The following KCNAB1 variants were observed in gnomAD, a reference collection of about 807,000 sequenced individuals.
KCNAB1 encodes voltage-gated potassium channel subunit beta-1.
In KCNAB1, 35 loss-of-function variants were observed where a neutral mutation model predicts 64.6. The observed-to-expected ratio is 0.54, with a 90% CI of 0.41 to 0.72. The LOEUF (loss-of-function observed/expected upper bound fraction) is 0.72, where lower values mean the gene tolerates loss of function less well. Ranked by LOEUF, KCNAB1 falls within the 30% of genes least tolerant of loss-of-function variation. The pLI is 0.00. For synonymous variants in KCNAB1, 177 were observed against 183.8 expected, an observed-to-expected ratio of 0.96 and a Z score of 0.30; for missense variants, 401 against 512.9, an observed-to-expected ratio of 0.78 and a Z score of 2.11.
At chr3:156,412,813 C>T (rs1312258855) in intron 1 of KCNAB1, among the ~76,000 whole-genome samples, 1 of 152,136 alleles carries the variant, frequency 6.6e-6, no homozygotes, top group Non-Finnish European at 1.5e-5. Context: ...GAAGCTGGCT[C>T]TTCTGGATTT....
intron 1 of KCNAB1, among the ~76,000 whole-genome samples, chr3:156,354,244 ACT>A (rs776860064): frequency 4.9e-4 from 72 of 148,396 alleles, no homozygotes; most frequent in Non-Finnish European, 8.2e-4. Flanking sequence ...CTCACCGCAA[ACT>A]CTGCCTCCTG....
chr3:156,436,993 G>C (rs1181637021), intron 2 of KCNAB1, among the ~76,000 whole-genome samples: 1 of 152,100 alleles, frequency 6.6e-6, no homozygotes, highest in Non-Finnish European at 1.5e-5. Context: ...CCTGTGCCAT[G>C]TCGTGAATGG....
At chr3:156,214,116 C>T (rs1715172864) in intron 1 of KCNAB1, among the ~76,000 whole-genome samples, 1 of 152,212 alleles carries the variant, frequency 6.6e-6, no homozygotes, top group Admixed American at 6.5e-5. Flanking sequence ...CCCTTCTAGA[C>T]CTTGCCCTAT....
At chr3:156,400,210 G>T (rs1047486211) in intron 1 of KCNAB1, among the ~76,000 whole-genome samples, 2 of 152,194 alleles carry the variant, frequency 1.3e-5, no homozygotes, top group African/African-American at 4.8e-5. Flanking sequence ...TGTCTAAATT[G>T]CCTGAGGGTA....
intron 1 of KCNAB1, among the ~76,000 whole-genome samples, chr3:156,379,502 G>C (rs1300121864): frequency 6.6e-6 from 1 of 152,138 alleles, no homozygotes; most frequent in African/African-American, 2.4e-5. Flanking sequence ...GGAGGTGAGG[G>C]AGTGAGCCAT....
At chr3:156,133,151 T>TA (rs1374731401) in intron 1 of KCNAB1, among the ~76,000 whole-genome samples, 1 of 152,246 alleles carries the variant, frequency 6.6e-6, no homozygotes, top group African/African-American at 2.4e-5. Context: ...TTGAATTATT[T>TA]AATTACCTCT....
intron 7 of KCNAB1, among the ~76,000 whole-genome samples, chr3:156,470,527 A>G (rs570256239): frequency 2.0e-5 from 3 of 152,336 alleles, no homozygotes; most frequent in African/African-American, 4.8e-5. Flanking sequence ...AAAATAAAAT[A>G]CATTCCTTTA....
At chr3:156,266,191 CT>C (rs1217268941) in intron 1 of KCNAB1, among the ~76,000 whole-genome samples, 1 of 151,492 alleles carries the variant, frequency 6.6e-6, no homozygotes, top group Non-Finnish European at 1.5e-5. Context: ...ATTCCTACCC[CT>C]CTGCCAATAT....
intron 3 of KCNAB1, chr3:156,453,382 G>A (rs1310742600): frequency 1.3e-5 from 2 of 153,108 alleles, no homozygotes; most frequent in Non-Finnish European, 2.9e-5. Context: ...TGGTCACCTG[G>A]CTTGGGCGAC....
chr3:156,490,529 G>C (rs1383374444), intron 8 of KCNAB1, among the ~76,000 whole-genome samples: 1 of 152,054 alleles, frequency 6.6e-6, no homozygotes, highest in Non-Finnish European at 1.5e-5. Context: ...ACAGAAACGA[G>C]ATGGAAAAGA....
intron 1 of KCNAB1, among the ~76,000 whole-genome samples, chr3:156,370,440 A>T (rs958880739): frequency 6.6e-6 from 1 of 152,244 alleles, no homozygotes; most frequent in African/African-American, 2.4e-5. Context: ...AAGTGAAATA[A>T]TCCATAATAC....
chr3:156,311,490 G>A (rs1239583649), intron 1 of KCNAB1, among the ~76,000 whole-genome samples: 2 of 152,148 alleles, frequency 1.3e-5, no homozygotes, highest in Non-Finnish European at 2.9e-5. Flanking sequence ...TGAATGAAGT[G>A]GGGAGAACAG....
At chr3:156,204,805 C>T (rs997784424) in intron 1 of KCNAB1, among the ~76,000 whole-genome samples, 3 of 151,940 alleles carry the variant, frequency 2.0e-5, no homozygotes, top group Non-Finnish European at 4.4e-5. Flanking sequence ...GCACTCCAGT[C>T]TGGGCGACAG....
intron 3 of KCNAB1, 134 bp downstream of exon 3, chr3:156,453,070 C>A: frequency 1.8e-6 from 1 of 552,910 alleles, no homozygotes; most frequent in Non-Finnish European, 3.2e-6. Context: ...AAAATTGACT[C>A]AGAGATTATT....
At chr3:156,377,995 A>G (rs816544) in intron 1 of KCNAB1, among the ~76,000 whole-genome samples, 86,795 of 151,960 alleles carry the variant, frequency 0.57, 26,673 homozygotes, top group African/African-American at 0.82. Flanking sequence ...TGTGGTATGC[A>G]TGGGGAGGAG....
chr3:156,307,100 C>T (rs1721541782), intron 1 of KCNAB1, among the ~76,000 whole-genome samples: 2 of 152,124 alleles, frequency 1.3e-5, no homozygotes, highest in Non-Finnish European at 2.9e-5. Flanking sequence ...GTCTTGCTAC[C>T]TAAGTTTGTG....
At chr3:156,420,098 A>G (rs568798595) in intron 1 of KCNAB1, among the ~76,000 whole-genome samples, 8 of 152,366 alleles carry the variant, frequency 5.3e-5, no homozygotes, top group African/African-American at 1.9e-4. Flanking sequence ...TCCAGTTCAT[A>G]TGGGAAAATT....
intron 1 of KCNAB1, among the ~76,000 whole-genome samples, chr3:156,275,465 A>G (rs913405573): frequency 1.3e-5 from 2 of 152,322 alleles, no homozygotes; most frequent in African/African-American, 2.4e-5. Flanking sequence ...GAAATTTGTC[A>G]TATCAGTTGA....
intron 11 of KCNAB1, among the ~76,000 whole-genome samples, chr3:156,520,434 A>G (rs932043247): frequency 6.6e-6 from 1 of 152,162 alleles, no homozygotes; most frequent in African/African-American, 2.4e-5. Flanking sequence ...ACAAAAAATT[A>G]GCCAGGTATC....
Sources: gnomAD v4.1 joint callset for allele counts (sites outside exome capture counted in the v4.1 genomes callset) on GRCh38, gnomAD v4.1.1 for gene constraint, MANE v1.5 for transcripts, NCBI Gene and HGNC (gene_info 2026-07-23, HGNC 2026-07-21) for gene names.